Variants in PDGFC observed in about 807,000 individuals in gnomAD.
The protein encoded by PDGFC is platelet-derived growth factor C.
Under a neutral mutation model 35.5 loss-of-function variants are expected in PDGFC, and 12 were observed. That is an observed-to-expected ratio of 0.34 (90% CI 0.22 to 0.55). The LOEUF is 0.55. PDGFC is among the 20% of genes least tolerant of loss of function. PDGFC has a pLI of 0.91. For missense variants in PDGFC, 322 were observed against 412.4 expected (o/e 0.78, Z 1.90); for synonymous variants, 159 against 148.8 (o/e 1.07, Z -0.50).
intron 2 of PDGFC, among the ~76,000 whole-genome samples, chr4:156,830,448 C>T (rs1456800942): frequency 6.6e-6 from 1 of 152,170 alleles, no homozygotes; most frequent in African/African-American, 2.4e-5. Context: ...ACACAACTTT[C>T]CATTCTCCAT....
At chr4:156,968,282 T>A (rs957457400) in intron 1 of PDGFC, among the ~76,000 whole-genome samples, 2 of 152,098 alleles carry the variant, frequency 1.3e-5, no homozygotes, top group African/African-American at 2.4e-5. Flanking sequence ...GCTACAGTCA[T>A]AATATATCAA....
chr4:156,785,489 C>T (rs534041379), intron 3 of PDGFC, among the ~76,000 whole-genome samples: 33 of 152,256 alleles, frequency 2.2e-4, no homozygotes, highest in African/African-American at 7.5e-4. Context: ...GCTGGGATTA[C>T]GGATGTGAGC....
chr4:156,845,896 G>T (rs1729314835), intron 2 of PDGFC, among the ~76,000 whole-genome samples: 3 of 151,646 alleles, frequency 2.0e-5, no homozygotes, highest in Admixed American at 6.6e-5. Context: ...AAAGAACAAT[G>T]AATAAACCAA....
At chr4:156,892,839 T>C (rs565236064) in intron 1 of PDGFC, among the ~76,000 whole-genome samples, 1 of 152,356 alleles carries the variant, frequency 6.6e-6, no homozygotes, top group African/African-American at 2.4e-5. Flanking sequence ...AAAGCTGTTA[T>C]ACTTCTTACG....
chr4:156,837,949 T>C (rs1200989075), intron 2 of PDGFC, among the ~76,000 whole-genome samples: 3 of 151,920 alleles, frequency 2.0e-5, no homozygotes, highest in Non-Finnish European at 4.4e-5. Flanking sequence ...ATCCCCACCC[T>C]CTATTTTAAG....
intron 3 of PDGFC, 35 bp downstream of exon 3, chr4:156,810,802 C>G (rs759181649): frequency 7.7e-7 from 1 of 1,300,970 alleles, no homozygotes; most frequent in Non-Finnish European, 1.1e-6. Flanking sequence ...AAAAGCTGAT[C>G]CAATTAAATA....
chr4:156,781,701 A>T (rs1234958426), intron 3 of PDGFC, among the ~76,000 whole-genome samples: 3 of 152,102 alleles, frequency 2.0e-5, no homozygotes, highest in Non-Finnish European at 4.4e-5. Flanking sequence ...CCTACCAGCC[A>T]TAGAAAATGG....
At chr4:156,887,923 A>T (rs965118156) in intron 1 of PDGFC, among the ~76,000 whole-genome samples, 1 of 151,208 alleles carries the variant, frequency 6.6e-6, no homozygotes, top group Non-Finnish European at 1.5e-5. Context: ...GAATCGCTTG[A>T]GCCCAGGAGG....
intron 1 of PDGFC, chr4:156,876,366 T>A (rs1054688971): frequency 2.0e-5 from 3 of 152,228 alleles, no homozygotes; most frequent in Non-Finnish European, 2.9e-5. Flanking sequence ...TTGAAAAAAG[T>A]TACTTGATCA....
At chr4:156,864,590 T>A (rs1324067337) in intron 1 of PDGFC, among the ~76,000 whole-genome samples, 5 of 152,148 alleles carry the variant, frequency 3.3e-5, no homozygotes, top group Non-Finnish European at 5.9e-5. Flanking sequence ...GATGAAAACT[T>A]TTTTTAGATG....
intron 1 of PDGFC, among the ~76,000 whole-genome samples, chr4:156,963,495 C>T (rs1374872994): frequency 6.6e-6 from 1 of 150,556 alleles, no homozygotes; most frequent in Non-Finnish European, 1.5e-5. Flanking sequence ...AAAACAAATA[C>T]AAAAGGGAAA....
At chr4:156,827,633 T>C (rs1560829593) in intron 2 of PDGFC, among the ~76,000 whole-genome samples, 1 of 152,058 alleles carries the variant, frequency 6.6e-6, no homozygotes, top group Non-Finnish European at 1.5e-5. Context: ...TTTTTTCTTG[T>C]TTAAGAACAA....
chr4:156,966,369 AT>A (rs1732466735), intron 1 of PDGFC, among the ~76,000 whole-genome samples: 2 of 152,316 alleles, frequency 1.3e-5, no homozygotes, highest in African/African-American at 4.8e-5. Flanking sequence ...GAGTAAGTAA[AT>A]GAAGGGACTT....
At chr4:156,768,106 A>G in intron 4 of PDGFC, 116 bp from the exon 5 acceptor site, 1 of 695,960 alleles carries the variant, frequency 1.4e-6, no homozygotes, top group Admixed American at 2.3e-5. Flanking sequence ...CAATATCCAT[A>G]ACAATATCCG....
rs545579630 is a variant in PDGFC at position 156,955,766 on chromosome 4, G to C, written c.118+15020C>G. Among the ~76,000 whole-genome samples, 9 of 152,044 alleles carry C rather than the reference G, an allele frequency of 5.9e-5. No homozygotes were observed. In the East Asian group the frequency reaches 1.4e-3, roughly 23 times the overall value. ...TCAGTGGTGCCCAAGCATCTCATGA[G>C]TTTGCATCTAAACATGCTCTTAGTA... On this transcript the variant is annotated intron_variant, in intron 1 of 5. Coordinates refer to ENST00000502773, the MANE Select transcript of PDGFC (RefSeq NM_016205.3).
chr4:156,780,504 G>C (rs1730948819), intron 3 of PDGFC, among the ~76,000 whole-genome samples: 1 of 152,088 alleles, frequency 6.6e-6, no homozygotes, highest in Non-Finnish European at 1.5e-5. Flanking sequence ...AATGTTTTGT[G>C]GAAATCTAGC....
chr4:156,968,773 C>A (rs1732523247), intron 1 of PDGFC, among the ~76,000 whole-genome samples: 1 of 152,110 alleles, frequency 6.6e-6, no homozygotes, highest in Non-Finnish European at 1.5e-5. Context: ...TTAACATAGA[C>A]CAACCCCCAA....
rs1209027792 is a variant in PDGFC, at chr4:156,850,158, T to C, written c.314+63A>G. 2.3e-5 allele frequency: 19 copies of C among 823,176 alleles called. No homozygotes were observed. The East Asian group carries it at 5.1e-4, about 22-fold the overall frequency. The allele number at this position is 823,176 out of a possible 1,614,324, so 51.0% of individuals were successfully genotyped here. A position where few individuals can be genotyped will look rare whatever the true frequency, so the allele number is the denominator to read the frequency against. On this transcript the variant is annotated intron_variant, in intron 2 of 5. Coordinates refer to ENST00000502773, the MANE Select transcript of PDGFC (RefSeq NM_016205.3). ...TCATTTAAAATCAGATCATCAAAATTAAGCAATTTGAAAGACTTTTAACAG... is the reference window on the plus strand; with the variant it reads ...TCATTTAAAATCAGATCATCAAAATCAAGCAATTTGAAAGACTTTTAACAG...
intron 2 of PDGFC, among the ~76,000 whole-genome samples, chr4:156,830,780 A>G (rs1226313499): frequency 6.6e-6 from 1 of 152,184 alleles, no homozygotes; most frequent in African/African-American, 2.4e-5. Context: ...CATGCTCAAT[A>G]TTGAAAAATG....
Sources: allele counts gnomAD v4.1 joint callset (sites outside exome capture counted in the v4.1 genomes callset), GRCh38; gene constraint gnomAD v4.1.1; transcripts MANE v1.5; gene names NCBI Gene and HGNC (gene_info 2026-07-23, HGNC 2026-07-21).